The following CRYBB2 variants were observed in gnomAD, a reference collection of about 807,000 sequenced individuals.
CRYBB2 encodes crystallin beta B2.
A neutral mutation model predicts 24.3 loss-of-function variants in CRYBB2; 12 were observed. The ratio of observed to expected loss-of-function variants is 0.49; its 90% CI spans 0.32 to 0.80. The LOEUF is 0.80. CRYBB2 is among the 30% of genes least tolerant of loss of function. CRYBB2 has a pLI of 0.04. For synonymous variants in CRYBB2, 98 were observed against 101.6 expected, an observed-to-expected ratio of 0.96 and a Z score of 0.21; for missense variants, 198 against 268.5, an observed-to-expected ratio of 0.74 and a Z score of 1.83.
intron 2 of CRYBB2, among the ~76,000 whole-genome samples, chr22:25,222,016 G>A (rs1374321096): frequency 3.9e-5 from 6 of 152,230 alleles, no homozygotes; most frequent in South Asian, 2.1e-4. Flanking sequence ...AAATAATGCC[G>A]CCTTTGATTT....
chr22:25,231,063 G>C (rs536924972), intron 5 of CRYBB2, among the ~76,000 whole-genome samples: 6 of 152,324 alleles, frequency 3.9e-5, no homozygotes, highest in African/African-American at 1.4e-4. Context: ...GCGAAGTAGA[G>C]CTGGAGGTGT....
At chr22:25,221,357 G>T in intron 1 of CRYBB2, 47 bp from the exon 2 acceptor site, 1 of 1,208,488 alleles carries the variant, frequency 8.3e-7, no homozygotes, top group Non-Finnish European at 1.2e-6. Context: ...GAGTGAAAAA[G>T]CCAGTGGCCC....
At chr22:25,218,830 GAAAGAAAGAGAA>G (rs1471054166), upstream of CRYBB2, among the ~76,000 whole-genome samples, 3 of 109,580 alleles carry the variant, frequency 2.7e-5, no homozygotes, top group East Asian at 3.0e-4. Flanking sequence ...AAGAAAGAAA[GAAAGAAAGAGAA>G]AGAAAGAAAG....
At chr22:25,221,606 G>A in intron 2 of CRYBB2, 123 bp downstream of exon 2, 1 of 715,836 alleles carries the variant, frequency 1.4e-6, no homozygotes, top group Non-Finnish European at 2.5e-6. Flanking sequence ...CCCTCTCTGG[G>A]ACTCAGTCTC....
At chr22:25,222,879 TA>T (rs11345569) in intron 2 of CRYBB2, among the ~76,000 whole-genome samples, 4,207 of 152,338 alleles carry the variant, frequency 0.028, 198 homozygotes, top group African/African-American at 0.095. Flanking sequence ...TATTTTACAT[TA>T]TTTTTTCCAT....
At chr22:25,226,051 T>C (rs1935407306) in intron 3 of CRYBB2, among the ~76,000 whole-genome samples, 1 of 152,232 alleles carries the variant, frequency 6.6e-6, no homozygotes, top group Non-Finnish European at 1.5e-5. Flanking sequence ...AGTATTTTTA[T>C]TAATTATCGT....
Position 25,231,586 on chromosome 22 carries a change from T to C in CRYBB2, c.450-18T>C, listed in dbSNP as rs761406899. 1 of 1,613,556 alleles carries C rather than the reference T, an allele frequency of 6.2e-7. No individual in the cohort carries two copies. Among genetic ancestry groups the C allele is most frequent in the Non-Finnish European group, 8.5e-7 (1 of 1,179,592 alleles). On this transcript the variant is annotated intron_variant, in intron 5 of 5. Coordinates refer to ENST00000398215, the MANE Select transcript of CRYBB2 (RefSeq NM_000496.3). ...CCTGTCCCCCTCGTTCACCCTCCCA[T>C]CACCTCTGGCCCTGCAGGTGGGTTG...
rs1002874588 is a variant in CRYBB2 at position 25,222,130 on chromosome 22, C to T, written c.54+647C>T. 4.6e-5 allele frequency among the ~76,000 whole-genome samples: 7 copies of T among 152,336 alleles called. No homozygotes were observed. In the South Asian group the frequency reaches 1.2e-3, roughly 27 times the overall value. On this transcript the variant is annotated intron_variant, in intron 2 of 5. Coordinates refer to ENST00000398215, the MANE Select transcript of CRYBB2 (RefSeq NM_000496.3). ...CCTCTATCTAGGCACGGCCACCTGA[C>T]TGCCCTCCTGTGCCTCCCTGCTTTG...
chr22:25,218,530 G>T (rs1935219088), upstream of CRYBB2, among the ~76,000 whole-genome samples: 1 of 150,770 alleles, frequency 6.6e-6, no homozygotes, highest in Non-Finnish European at 1.5e-5. Context: ...GCTGGACCTG[G>T]TGGCGCACAC....
chr22:25,218,447 A>G (rs1040673888), upstream of CRYBB2, among the ~76,000 whole-genome samples: 1 of 151,676 alleles, frequency 6.6e-6, no homozygotes, highest in Non-Finnish European at 1.5e-5. Flanking sequence ...GCCTGAGCTC[A>G]GGAGTTTGAG....
chr22:25,217,828 TGTGTGCATGC>T (rs954838299), upstream of CRYBB2, among the ~76,000 whole-genome samples: 1 of 152,050 alleles, frequency 6.6e-6, no homozygotes, highest in Non-Finnish European at 1.5e-5. Context: ...GTGTGTAGTG[TGTGTGCATGC>T]GTGTGCATGC....
intron 2 of CRYBB2, among the ~76,000 whole-genome samples, chr22:25,222,269 C>T (rs755353730): frequency 6.6e-6 from 1 of 152,184 alleles, no homozygotes; most frequent in Non-Finnish European, 1.5e-5. Flanking sequence ...CAATCTGTCC[C>T]TTTTAGGGCT....
upstream of CRYBB2, among the ~76,000 whole-genome samples, chr22:25,219,318 CTCTG>C (rs545350885): frequency 2.0e-4 from 31 of 152,326 alleles, no homozygotes; most frequent in African/African-American, 7.0e-4. Flanking sequence ...TGAGATGTTC[CTCTG>C]TCTGCCATGC....
chr22:25,225,257 C>G (rs548607131), intron 3 of CRYBB2, among the ~76,000 whole-genome samples: 1 of 152,322 alleles, frequency 6.6e-6, no homozygotes, highest in African/African-American at 2.4e-5. Flanking sequence ...GGACCTTCCC[C>G]CTCTGAGCCT....
At position 25,231,777 on chromosome 22, in the gene CRYBB2, C is replaced by T. The variant is rs534475871; in HGVS notation, c.*5C>T. 7.4e-6 allele frequency: 12 copies of T among 1,613,916 alleles called. No individual in the cohort carries two copies. In the South Asian group the frequency reaches 1.2e-4, roughly 16 times the overall value. On this transcript the variant is annotated 3_prime_UTR_variant, in exon 6 of 6. Transcript: ENST00000398215. ...GCCTTCCACCCCTCCAACTAGTGCCCTCCCCACCATGCCTCCTTCCCAGGA... is the reference window on the plus strand; with the variant it reads ...GCCTTCCACCCCTCCAACTAGTGCCTTCCCCACCATGCCTCCTTCCCAGGA...
exon 1 of CRYBB2, among the ~76,000 whole-genome samples, chr22:25,212,582 C>T (rs944296174): frequency 2.0e-5 from 3 of 152,188 alleles, no homozygotes; most frequent in Non-Finnish European, 4.4e-5. Context: ...GCCTTTCCGT[C>T]GGACATCTTT....
At chr22:25,216,246 C>T (rs1473755467), upstream of CRYBB2, among the ~76,000 whole-genome samples, 1 of 152,170 alleles carries the variant, frequency 6.6e-6, no homozygotes. Context: ...CAGAATGTGA[C>T]CTTCTATTTG....
chr22:25,218,779 G>GAAGAAAGAAAGA (rs1168197356), upstream of CRYBB2, among the ~76,000 whole-genome samples: 694 of 34,342 alleles, frequency 0.02, 23 homozygotes, highest in Middle Eastern at 0.081. Context: ...GAGAGAGAGA[G>GAAGAAAGAAAGA]AAGAAAGAAA....
chr22:25,230,041 T>C (rs1935503544), intron 5 of CRYBB2, among the ~76,000 whole-genome samples: 1 of 152,048 alleles, frequency 6.6e-6, no homozygotes, highest in Admixed American at 6.6e-5. Context: ...ACATCGACCC[T>C]GGCCATCAGC....
Sources: gnomAD v4.1 joint callset for allele counts (sites outside exome capture counted in the v4.1 genomes callset) on GRCh38, gnomAD v4.1.1 for gene constraint, MANE v1.5 for transcripts, NCBI Gene and HGNC (gene_info 2026-07-23, HGNC 2026-07-21) for gene names.